VSIG8: variants seen among roughly 807,000 people sequenced by gnomAD.
VSIG8 encodes V-set and immunoglobulin domain-containing protein 8.
VSIG8 carries 32 observed loss-of-function variants against 42.6 expected under a neutral mutation model. The observed-to-expected ratio is 0.75, with a 90% CI of 0.57 to 1.01. The LOEUF is 1.01. Ranked by LOEUF, VSIG8 falls within the 50% of genes least tolerant of loss-of-function variation. The probability of loss-of-function intolerance (pLI) is 0.00; values close to 1 mark genes in which losing one functional copy is unlikely to be tolerated. For synonymous variants in VSIG8, 290 were observed against 243.8 expected (o/e 1.19, Z -1.77); for missense variants, 529 against 558.0 (o/e 0.95, Z 0.52).
At chr1:159,856,729 T>C in intron 4 of VSIG8, 86 bp from the exon 5 acceptor site, 1 of 1,541,134 alleles carries the variant, frequency 6.5e-7, no homozygotes, top group Non-Finnish European at 8.8e-7. Context: ...GGACACCCAC[T>C]CTAGAAGAAG....
chr1:159,860,117 C>T (rs907995995), intron 1 of VSIG8, among the ~76,000 whole-genome samples: 1 of 152,208 alleles, frequency 6.6e-6, no homozygotes, highest in African/African-American at 2.4e-5. Context: ...TCTGGAGTCA[C>T]AGCCCCAGGT....
At position 159,854,612 on chromosome 1, in the gene VSIG8, T is replaced by C; in HGVS notation, c.*141A>G. 9.9e-6 allele frequency: 13 copies of C among 1,315,826 alleles called. No individual in the cohort carries two copies. The highest frequency in any genetic ancestry group is 1.3e-5 in the Non-Finnish European group (13 of 1,029,940). 81.5% of individuals were successfully genotyped at this position (1,315,826 alleles called of 1,614,324 possible). On this transcript the variant is annotated 3_prime_UTR_variant, in exon 7 of 7. Coordinates refer to ENST00000368100, the MANE Select transcript of VSIG8 (RefSeq NM_001013661.1). ...AGGCTCTGCCTCCCTACGCATTTCC[T>C]TAGGGAAATGCCTTCACCCCCAGCC... is the stretch of plus-strand genomic sequence containing the variant.
intron 1 of VSIG8, chr1:159,860,857 G>T (rs923045538): frequency 6.6e-6 from 1 of 152,328 alleles, no homozygotes; most frequent in Non-Finnish European, 1.5e-5. Flanking sequence ...AAGCATTCAG[G>T]GAGAGGGGCT....
rs761216329 is a variant in VSIG8 at position 159,857,952 on chromosome 1, G to A, written c.445C>T (p.Pro149Ser). 6.2e-6 allele frequency: 10 copies of A among 1,613,858 alleles called. No homozygotes were observed. Among genetic ancestry groups the A allele is most frequent in the Non-Finnish European group, 8.5e-6 (10 of 1,179,934 alleles). Reference protein sequence around the residue: ...IVTVQARPAVPMCWTEGHMTY... With the variant: ...IVTVQARPAVSMCWTEGHMTY... ...ATGTGGCCCTCTGTCCAGCACATGG[G>A]CACTGCAGGTCGTGCTGCAAGGAGG... The change falls in exon 4 of 7, where the codon CCC becomes TCC. Residue 149 changes from proline to serine, a missense_variant. Coordinates refer to ENST00000368100, the MANE Select transcript of VSIG8 (RefSeq NM_001013661.1).
At position 159,854,414 on chromosome 1, in the gene VSIG8, C is replaced by A; in HGVS notation, c.*339G>T. On this transcript the variant is annotated 3_prime_UTR_variant, in exon 7 of 7. Coordinates refer to ENST00000368100, the MANE Select transcript of VSIG8 (RefSeq NM_001013661.1). ...TCCAGACAGACCCCCACCCACCCGGCCCCCGGGGCCCTCTGCTTAGGCTGG... is the reference window on the plus strand; with the variant it reads ...TCCAGACAGACCCCCACCCACCCGGACCCCGGGGCCCTCTGCTTAGGCTGG... The A allele has an allele frequency of 3.7e-6, 1 of 270,040 alleles. No homozygotes were observed. Among genetic ancestry groups the A allele is most frequent in the Non-Finnish European group, 6.8e-6 (1 of 146,668 alleles). 16.7% of individuals were successfully genotyped at this position (270,040 alleles called of 1,614,324 possible). A position where few individuals can be genotyped will look rare whatever the true frequency, so the allele number is the denominator to read the frequency against.
chr1:159,857,682 A>C (rs1418871915), intron 4 of VSIG8, 63 bp downstream of exon 4: 11 of 1,422,366 alleles, frequency 7.7e-6, no homozygotes, highest in Non-Finnish European at 8.7e-6. Context: ...GGAAACCCCA[A>C]CAGGTCCCAG....
rs751215511 is a variant in VSIG8, at chr1:159,855,970, C to T, written c.884G>A (p.Gly295Glu). ...GAAGGCACCGCGGGCGCCGCCAGCC[C>T]CGGAGCCCCCGCAGCAGCAGCAGAC... ...GLVCCCCGGS[G>E]AGGARGAFGY... Residue 295 changes from glycine to glutamate, a missense_variant, in exon 6 of 7, where the codon GGG becomes GAG. Transcript: ENST00000368100. The T allele has an allele frequency of 1.3e-6, 2 of 1,593,076 alleles. No homozygotes were observed. The highest frequency in any genetic ancestry group is 1.1e-5 in the South Asian group (1 of 88,658).
At position 159,854,713 on chromosome 1, in the gene VSIG8, C is replaced by T. The variant is rs1257048850; in HGVS notation, c.*40G>A. 6.3e-6 allele frequency: 9 copies of T among 1,425,590 alleles called. No individual in the cohort carries two copies. In the East Asian group the frequency reaches 2.7e-4, roughly 43 times the overall value. 88.3% of individuals were successfully genotyped at this position (1,425,590 alleles called of 1,614,324 possible). A position where few individuals can be genotyped will look rare whatever the true frequency, so the allele number is the denominator to read the frequency against. Reference sequence around the variant, plus strand: ...AGCTGCAGACAGAGAGCCCCGCGCCCTCCTCCTGGCTGGGGCGCAGCCCGG... The same window carrying T: ...AGCTGCAGACAGAGAGCCCCGCGCCTTCCTCCTGGCTGGGGCGCAGCCCGG... On this transcript the variant is annotated 3_prime_UTR_variant, in exon 7 of 7. Coordinates refer to ENST00000368100, the MANE Select transcript of VSIG8 (RefSeq NM_001013661.1).
chr1:159,859,319 G>A (rs912711581), intron 1 of VSIG8, among the ~76,000 whole-genome samples: 3 of 152,152 alleles, frequency 2.0e-5, no homozygotes, highest in Non-Finnish European at 4.4e-5. Flanking sequence ...GTGTGTGAAG[G>A]CATGTGGTAC....
At chr1:159,856,452 C>G (rs1345260722) in intron 5 of VSIG8, 72 bp downstream of exon 5, 1 of 1,593,648 alleles carries the variant, frequency 6.3e-7, no homozygotes, top group Non-Finnish European at 8.5e-7. Context: ...GCAGCTGAGG[C>G]TCCAAACCAG....
intron 1 of VSIG8, among the ~76,000 whole-genome samples, chr1:159,859,980 T>G (rs557687355): frequency 3.8e-4 from 58 of 151,586 alleles, no homozygotes; most frequent in African/African-American, 1.3e-3. Flanking sequence ...GACCGGGGGG[T>G]GTAGCCAGGG....
Position 159,857,810 on chromosome 1 carries a change from G to A in VSIG8, c.587C>T (p.Thr196Ile), listed in dbSNP as rs747828713. Residue 196 changes from threonine (T) to isoleucine (I), a missense_variant, in exon 4 of 7, where the codon ACC becomes ATC. Thr to Ile is a moderately conservative substitution (Grantham distance 89). Transcript: ENST00000368100. ...HHYPYRAGSYTSQHSYHSELS... is the reference protein window; with the variant it reads ...HHYPYRAGSYISQHSYHSELS... Reference sequence around the variant, plus strand: ...CTCTGAGTGGTAGCTGTGCTGGGAGGTGTAAGACCCAGCTCGATAGGGGTA... The same window carrying A: ...CTCTGAGTGGTAGCTGTGCTGGGAGATGTAAGACCCAGCTCGATAGGGGTA... 1.1e-5 allele frequency: 17 copies of A among 1,614,194 alleles called. No homozygotes were observed. In the South Asian group the frequency reaches 1.9e-4, roughly 18 times the overall value.
At position 159,857,739 on chromosome 1, in the gene VSIG8, T is replaced by A; in HGVS notation, c.652+6A>T. On this transcript the variant is annotated splice_donor_region_variant and intron_variant, in intron 4 of 6. Transcript: ENST00000368100. ...CCCCGACTGCCCTCATCCAGGGCCCTCTCACCTTGGTTTATGGAGCTGTGG... is the reference window on the plus strand; with the variant it reads ...CCCCGACTGCCCTCATCCAGGGCCCACTCACCTTGGTTTATGGAGCTGTGG... 2 of 1,613,520 alleles carry A rather than the reference T, an allele frequency of 1.2e-6. No individual in the cohort carries two copies. Among genetic ancestry groups the A allele is most frequent in the Non-Finnish European group, 1.7e-6 (2 of 1,179,578 alleles).
chr1:159,858,071 T>C lies in VSIG8; in HGVS notation c.430+19A>G. The C allele has an allele frequency of 6.2e-7, 1 of 1,614,140 alleles. No individual in the cohort carries two copies. The highest frequency in any genetic ancestry group is 8.5e-7 in the Non-Finnish European group (1 of 1,179,996). ...CTCTTAAGCCAGGGGGAGAGGAGCTTAGAGGAGTCTGGCCATACCTTGGAC... is the reference window on the plus strand; with the variant it reads ...CTCTTAAGCCAGGGGGAGAGGAGCTCAGAGGAGTCTGGCCATACCTTGGAC... On this transcript the variant is annotated intron_variant, in intron 3 of 6. Transcript: ENST00000368100.
At chr1:159,855,131 C>A (rs1224262908) in intron 6 of VSIG8, 105 bp from the exon 7 acceptor site, 1 of 1,551,354 alleles carries the variant, frequency 6.4e-7, no homozygotes, top group East Asian at 2.4e-5. Flanking sequence ...GTCTCCCGCG[C>A]CTCCCTCCAC....
intron 1 of VSIG8, among the ~76,000 whole-genome samples, chr1:159,860,367 CAA>C (rs1470632313): frequency 6.6e-6 from 1 of 152,184 alleles, no homozygotes; most frequent in Non-Finnish European, 1.5e-5. Flanking sequence ...CATATTAATT[CAA>C]AAGACACACC....
At chr1:159,860,802 G>A (rs192515654) in intron 1 of VSIG8, 58 of 152,432 alleles carry the variant, frequency 3.8e-4, no homozygotes, top group Middle Eastern at 6.8e-3. Flanking sequence ...CACCCACACA[G>A]GAAGGACTCT....
At chr1:159,858,576 C>T (rs1394806069) in intron 2 of VSIG8, among the ~76,000 whole-genome samples, 158 bp downstream of exon 2, 1 of 152,218 alleles carries the variant, frequency 6.6e-6, no homozygotes, top group Non-Finnish European at 1.5e-5. Context: ...GACTGGCTAG[C>T]TTAATTCACA....
At chr1:159,860,510 G>C (rs1182487222) in intron 1 of VSIG8, 1 of 152,228 alleles carries the variant, frequency 6.6e-6, no homozygotes, top group Non-Finnish European at 1.5e-5. Flanking sequence ...CAACAGCTCA[G>C]GGATCCCTGA....
Sources: allele counts gnomAD v4.1 joint callset (sites outside exome capture counted in the v4.1 genomes callset), GRCh38; gene constraint gnomAD v4.1.1; transcripts MANE v1.5; gene names NCBI Gene and HGNC (gene_info 2026-07-23, HGNC 2026-07-21).